TMEM126A: variants seen among roughly 807,000 people sequenced by gnomAD.
TMEM126A encodes transmembrane protein 126A.
A neutral mutation model predicts 18.3 loss-of-function variants in TMEM126A; 10 were observed. The observed-to-expected ratio is 0.55, with a 90% CI of 0.34 to 0.93. The LOEUF is 0.93. Ranked by LOEUF, TMEM126A falls within the 40% of genes least tolerant of loss-of-function variation. The probability of loss-of-function intolerance (pLI) is 0.02; values close to 1 mark genes in which losing one functional copy is unlikely to be tolerated. For synonymous variants in TMEM126A, 68 were observed against 78.1 expected, an observed-to-expected ratio of 0.87 and a Z score of 0.68; for missense variants, 246 against 230.2, an observed-to-expected ratio of 1.07 and a Z score of -0.44.
chr11:85,651,894 T>G (rs560509240), intron 2 of TMEM126A, among the ~76,000 whole-genome samples: 1 of 152,190 alleles, frequency 6.6e-6, no homozygotes, highest in African/African-American at 2.4e-5. Flanking sequence ...CTGGGCATGG[T>G]GGCTCACACC....
rs1375464905 is a variant in TMEM126A at position 85,655,624 on chromosome 11, C to G, written c.311C>G (p.Thr104Arg). The stretch of plus-strand genomic sequence containing the variant: ...TTGGATTGTGAAACCTGTACCATAA[C>G]ACGGAGTGGACTGACTGGTCTTGTT... Reference protein sequence around the residue: ...GDLDCETCTITRSGLTGLVIG... With the variant: ...GDLDCETCTIRRSGLTGLVIG... The change falls in exon 4 of 5, where the codon ACA becomes AGA. Residue 104 changes from threonine (T) to arginine (R), a missense_variant. By Grantham distance (71) the Thr-to-Arg change is moderately conservative (BLOSUM62 -1). Transcript: ENST00000304511. The G allele has an allele frequency of 6.2e-7, 1 of 1,613,664 alleles. No individual in the cohort carries two copies. The highest frequency in any genetic ancestry group is 8.5e-7 in the Non-Finnish European group (1 of 1,179,666).
intron 2 of TMEM126A, among the ~76,000 whole-genome samples, chr11:85,651,840 A>G (rs1321383765): frequency 2.0e-5 from 3 of 152,196 alleles, no homozygotes; most frequent in Admixed American, 1.3e-4. Flanking sequence ...TTTCCAGGCC[A>G]GCAAGATAGG....
chr11:85,656,446 A>G lies in TMEM126A; in HGVS notation c.533A>G (p.Tyr178Cys), dbSNP rs936925447. The G allele has an allele frequency of 1.2e-6, 2 of 1,613,422 alleles. No homozygotes were observed. Among genetic ancestry groups the G allele is most frequent in the East Asian group, 4.5e-5 (2 of 44,800 alleles). ...MFSAYLGSEQYKLLIKALQLS... is the reference protein window; with the variant it reads ...MFSAYLGSEQCKLLIKALQLS... ...TCAGCATACCTTGGGTCTGAACAATATAAACTACTTATAAAGGCCCTTCAG... is the reference window on the plus strand; with the variant it reads ...TCAGCATACCTTGGGTCTGAACAATGTAAACTACTTATAAAGGCCCTTCAG... The change falls in exon 5 of 5, where the codon TAT becomes TGT. Residue 178 changes from tyrosine to cysteine, a missense_variant. Coordinates refer to ENST00000304511, the MANE Select transcript of TMEM126A (RefSeq NM_032273.4).
At chr11:85,655,347 T>C (rs111893550) in intron 3 of TMEM126A, 5 of 408,012 alleles carry the variant, frequency 1.2e-5, no homozygotes, top group Admixed American at 1.2e-4. Flanking sequence ...GCCCAAACCA[T>C]GAGATTATTA....
Position 85,654,114 on chromosome 11 carries a change from T to C in TMEM126A, c.138T>C (p.Cys46=), listed in dbSNP as rs976736098. 9.9e-6 allele frequency: 16 copies of C among 1,614,100 alleles called. No homozygotes were observed. The highest frequency in any genetic ancestry group is 1.4e-5 in the Non-Finnish European group (16 of 1,180,052). ...SVYVGLNAAL[C]GLIANSLFRR... The stretch of plus-strand genomic sequence containing the variant: ...ATGTTGGATTAAATGCTGCTCTTTG[T>C]GGCCTCATAGCAAACAGTCTTTTTC... Residue 46 remains cysteine (C), a synonymous_variant, in exon 3 of 5, where the codon TGT becomes TGC. Transcript: ENST00000304511.
At chr11:85,652,660 A>T (rs897535727) in intron 2 of TMEM126A, among the ~76,000 whole-genome samples, 2 of 152,174 alleles carry the variant, frequency 1.3e-5, no homozygotes, top group Admixed American at 1.3e-4. Context: ...TTAATTAACT[A>T]AACATTTTGA....
intron 2 of TMEM126A, among the ~76,000 whole-genome samples, chr11:85,651,138 A>C (rs551163314): frequency 6.6e-5 from 10 of 151,188 alleles, no homozygotes; most frequent in Non-Finnish European, 1.5e-4. Context: ...AATCTTTGCC[A>C]GGCAGCTAAT....
chr11:85,653,063 C>A (rs2082513397), intron 2 of TMEM126A, among the ~76,000 whole-genome samples: 1 of 152,142 alleles, frequency 6.6e-6, no homozygotes, highest in Admixed American at 6.5e-5. Context: ...CTGTCTTGTA[C>A]CACCATTACC....
Position 85,656,492 on chromosome 11 carries a change from A to C in TMEM126A, c.579A>C (p.Glu193Asp). ...TTCAGTTATCTGAACCTGGCAAAGA[A>C]ATTCACTGATTTTAAACAAATATGT... ...KALQLSEPGK[E>D]IH The change falls in exon 5 of 5, where the codon GAA (glutamate) becomes GAC (aspartate). Residue 193 changes from glutamate to aspartate, a missense_variant. Physicochemically the swap from Glu to Asp is conservative, Grantham distance 45. Coordinates refer to ENST00000304511, the MANE Select transcript of TMEM126A (RefSeq NM_032273.4). 1 of 1,612,474 alleles carries C rather than the reference A, an allele frequency of 6.2e-7. No individual in the cohort carries two copies. The highest frequency in any genetic ancestry group is 8.5e-7 in the Non-Finnish European group (1 of 1,179,066).
At chr11:85,653,308 G>A (rs746651088) in intron 2 of TMEM126A, among the ~76,000 whole-genome samples, 15 of 152,164 alleles carry the variant, frequency 9.9e-5, no homozygotes, top group Non-Finnish European at 2.1e-4. Flanking sequence ...TTTAAGATGA[G>A]TGTAAGCCAT....
intron 3 of TMEM126A, among the ~76,000 whole-genome samples, chr11:85,654,981 T>A (rs1761762953): frequency 6.6e-6 from 1 of 151,962 alleles, no homozygotes. Flanking sequence ...ATACAGTAAA[T>A]CTCTTAAAGC....
intron 3 of TMEM126A, 56 bp downstream of exon 3, chr11:85,654,312 C>T (rs2082522362): frequency 1.3e-6 from 2 of 1,523,190 alleles, no homozygotes; most frequent in East Asian, 2.3e-5. Flanking sequence ...TTATTTGCAG[C>T]TTTAGTCCAT....
In TMEM126A at chr11:85,655,674, T is replaced by C. The variant is rs750349230; in HGVS notation, c.361T>C (p.Leu121=). 49 of 1,613,560 alleles carry C rather than the reference T, an allele frequency of 3.0e-5. 1 individual carries two copies. The Middle Eastern group carries it at 1.8e-3, about 60-fold the overall frequency. ...TATTGGTGGTCTATACCCTGTTTTC[T>C]TGGCTATACCTGTAAATGGTGGTCT... ...LVIGGLYPVF[L]AIPVNGGLAA... Residue 121 remains leucine, a synonymous_variant, in exon 4 of 5, where the codon TTG becomes CTG. Transcript: ENST00000304511.
intron 1 of TMEM126A, among the ~76,000 whole-genome samples, chr11:85,649,107 G>T (rs886824984): frequency 2.0e-5 from 3 of 152,036 alleles, no homozygotes; most frequent in Non-Finnish European, 4.4e-5. Flanking sequence ...GCTAATTTTT[G>T]TATTTTTAAA....
At chr11:85,651,472 A>G (rs539664794) in intron 2 of TMEM126A, among the ~76,000 whole-genome samples, 5 of 152,362 alleles carry the variant, frequency 3.3e-5, no homozygotes, top group African/African-American at 1.2e-4. Context: ...AGTAGAAAAA[A>G]TGGCACAGTA....
chr11:85,656,191 C>A, intron 4 of TMEM126A, 118 bp from the exon 5 acceptor site: 1 of 907,926 alleles, frequency 1.1e-6, no homozygotes, highest in Non-Finnish European at 1.7e-6. Flanking sequence ...ACACTGAAGA[C>A]CTTTACTTTA....
At chr11:85,655,085 T>A (rs1167957773) in intron 3 of TMEM126A, among the ~76,000 whole-genome samples, 1 of 151,922 alleles carries the variant, frequency 6.6e-6, no homozygotes, top group Non-Finnish European at 1.5e-5. Flanking sequence ...CAGTTAATCA[T>A]AAAAAAAACT....
chr11:85,651,134 T>C (rs1255984232), intron 2 of TMEM126A, among the ~76,000 whole-genome samples: 1 of 151,826 alleles, frequency 6.6e-6, no homozygotes, highest in Non-Finnish European at 1.5e-5. Flanking sequence ...TACTAATCTT[T>C]GCCAGGCAGC....
At chr11:85,653,268 C>T (rs1591464518) in intron 2 of TMEM126A, among the ~76,000 whole-genome samples, 1 of 152,138 alleles carries the variant, frequency 6.6e-6, no homozygotes, top group African/African-American at 2.4e-5. Flanking sequence ...CCTTATACAA[C>T]GTAGGAAGCT....
Sources: allele counts gnomAD v4.1 joint callset (sites outside exome capture counted in the v4.1 genomes callset), GRCh38; gene constraint gnomAD v4.1.1; transcripts MANE v1.5; gene names NCBI Gene and HGNC (gene_info 2026-07-23, HGNC 2026-07-21).